The following SPRYD4 variants were observed in gnomAD, a reference collection of about 807,000 sequenced individuals.
The protein encoded by SPRYD4 is SPRY domain containing 4, also known as SPRY domain-containing protein 4.
In SPRYD4, 12 loss-of-function variants were observed where a neutral mutation model predicts 16.6. That is an observed-to-expected ratio of 0.72 (90% CI 0.46 to 1.17). SPRYD4 has a LOEUF of 1.17. Ranked by LOEUF, SPRYD4 falls within the 50% of genes most tolerant of loss-of-function variation. The pLI is 0.00. For synonymous variants in SPRYD4, 98 were observed against 105.4 expected (o/e 0.93, Z 0.43); for missense variants, 260 against 260.2 (o/e 1.00, Z 0.00).
At position 56,474,325 on chromosome 12, in the gene SPRYD4, G is replaced by A. The variant is rs974174155; in HGVS notation, c.*4748G>A. On this transcript the variant is annotated 3_prime_UTR_variant, in exon 2 of 2. Coordinates refer to ENST00000338146, the MANE Select transcript of SPRYD4 (RefSeq NM_207344.4). ...GCTGGTCTCGAACTCCTGACCTCAG[G>A]TGATCCACCTGCCTCGGCCTCCCAA... 8 of 563,626 alleles carry A rather than the reference G, an allele frequency of 1.4e-5. No individual in the cohort carries two copies. In the East Asian group the frequency reaches 1.9e-4, roughly 14 times the overall value. The allele number at this position is 563,626 out of a possible 1,614,324, so 34.9% of individuals were successfully genotyped here.
In SPRYD4 at chr12:56,479,634, T is replaced by C; in HGVS notation, c.*10057T>C. ...TTCTATATTGTTTGAACTCTTATGA[T>C]GAGTATTCATGTATAACTTATGTAA... On this transcript the variant is annotated 3_prime_UTR_variant, in exon 2 of 2. Coordinates refer to ENST00000338146, the MANE Select transcript of SPRYD4 (RefSeq NM_207344.4). 1.1e-6 allele frequency: 1 copy of C among 931,756 alleles called. No homozygotes were observed. The highest frequency in any genetic ancestry group is 1.5e-6 in the Non-Finnish European group (1 of 666,224). 57.7% of individuals were successfully genotyped at this position (931,756 alleles called of 1,614,324 possible).
chr12:56,475,931 G>T lies in SPRYD4; in HGVS notation c.*6354G>T, dbSNP rs763762773. ...GCGAAATGCAGCCAGGGGCTAAGTA[G>T]CAAGGGAACTTACAAAATCAAACTT... is the stretch of plus-strand genomic sequence containing the variant. On this transcript the variant is annotated 3_prime_UTR_variant, in exon 2 of 2. Coordinates refer to ENST00000338146, the MANE Select transcript of SPRYD4 (RefSeq NM_207344.4). 1.9e-6 allele frequency: 3 copies of T among 1,613,648 alleles called. No individual in the cohort carries two copies. The African/African-American group carries it at 4.0e-5, about 22-fold the overall frequency.
rs1488959877 is a variant in SPRYD4 at position 56,476,936 on chromosome 12, T to C, written c.*7359T>C. The C allele has an allele frequency of 6.6e-6, 1 of 152,212 alleles. No individual in the cohort carries two copies. The highest frequency in any genetic ancestry group is 1.5e-5 in the Non-Finnish European group (1 of 68,064). The allele number at this position is 152,212 out of a possible 1,614,324, so 9.4% of individuals were successfully genotyped here. On this transcript the variant is annotated 3_prime_UTR_variant, in exon 2 of 2. Coordinates refer to ENST00000338146, the MANE Select transcript of SPRYD4 (RefSeq NM_207344.4). ...AGGTCCTACTTAGATGGGAATGGGA[T>C]GAGGCAGGTCCCAGATACAGGTTTG...
chr12:56,478,221 G>A lies in SPRYD4; in HGVS notation c.*8644G>A, dbSNP rs1592278352. 3 of 1,614,264 alleles carry A rather than the reference G, an allele frequency of 1.9e-6. No individual in the cohort carries two copies. Among genetic ancestry groups the A allele is most frequent in the Non-Finnish European group, 2.5e-6 (3 of 1,180,050 alleles). On this transcript the variant is annotated 3_prime_UTR_variant, in exon 2 of 2. Transcript: ENST00000338146. ...CAGTGCACAGGGAGACACCCCACAGGTCTGGGTTTGACTTGGCCAGCTGAG... is the reference window on the plus strand; with the variant it reads ...CAGTGCACAGGGAGACACCCCACAGATCTGGGTTTGACTTGGCCAGCTGAG...
Position 56,478,084 on chromosome 12 carries a change from G to A in SPRYD4, c.*8507G>A, listed in dbSNP as rs762282156. The A allele has an allele frequency of 5.0e-6, 8 of 1,614,052 alleles. No homozygotes were observed. The highest frequency in any genetic ancestry group is 3.4e-6 in the Non-Finnish European group (4 of 1,179,942). On this transcript the variant is annotated 3_prime_UTR_variant, in exon 2 of 2. Coordinates refer to ENST00000338146, the MANE Select transcript of SPRYD4 (RefSeq NM_207344.4). Reference sequence around the variant, plus strand: ...GCAGGCAGAAGGGGATCTTTGTGTGGCCCACAGAGTGCCTGGAGGCAGACA... The same window carrying A: ...GCAGGCAGAAGGGGATCTTTGTGTGACCCACAGAGTGCCTGGAGGCAGACA...
rs34325581 is a variant in SPRYD4, at chr12:56,476,165, C to CTT, written c.*6595_*6596dup. The CTT allele has an allele frequency of 5.0e-4, 265 of 530,406 alleles. No homozygotes were observed. The highest frequency in any genetic ancestry group is 7.2e-4 in the Admixed American group (22 of 30,620). The allele number at this position is 530,406 out of a possible 1,614,324, so 32.9% of individuals were successfully genotyped here. On this transcript the variant is annotated 3_prime_UTR_variant, in exon 2 of 2. Transcript: ENST00000338146. ...TCCATTGGCTCCTCTCTTTCTCTTT[C>CTT]TTTTTTTTGAGACAGTCTTGCTTTG...
chr12:56,479,410 AAAAT>A lies in SPRYD4; in HGVS notation c.*9839_*9842del. 1 of 493,520 alleles carries A rather than the reference AAAAT, an allele frequency of 2.0e-6. No individual in the cohort carries two copies. The highest frequency in any genetic ancestry group is 3.5e-6 in the Non-Finnish European group (1 of 287,346). 30.6% of individuals were successfully genotyped at this position (493,520 alleles called of 1,614,324 possible). A position where few individuals can be genotyped will look rare whatever the true frequency, so the allele number is the denominator to read the frequency against. The stretch of plus-strand genomic sequence containing the variant: ...CACTATGTCTTGGGATATGAGAAAA[AAAAT>A]AAATACCAGAATAATATGTATGTAT... On this transcript the variant is annotated 3_prime_UTR_variant, in exon 2 of 2. Transcript: ENST00000338146.
In SPRYD4 at chr12:56,471,804, C is replaced by T. The variant is rs755823467; in HGVS notation, c.*2227C>T. 8.1e-6 allele frequency: 13 copies of T among 1,614,104 alleles called. No homozygotes were observed. The highest frequency in any genetic ancestry group is 1.0e-5 in the Non-Finnish European group (12 of 1,180,034). ...TTGGCAAAAGGATTCACTTTGCAAG[C>T]CTCGATCAGGAATTTAACAACTTCG... On this transcript the variant is annotated 3_prime_UTR_variant, in exon 2 of 2. Coordinates refer to ENST00000338146, the MANE Select transcript of SPRYD4 (RefSeq NM_207344.4).
Position 56,471,848 on chromosome 12 carries a change from G to A in SPRYD4, c.*2271G>A, listed in dbSNP as rs1869301393. ...AACTTCGATGTGTCCTAGGAATATG[G>A]GCAGAAGGAAAATGAGAAGGCGCAG... is the stretch of plus-strand genomic sequence containing the variant. On this transcript the variant is annotated 3_prime_UTR_variant, in exon 2 of 2. Transcript: ENST00000338146. The A allele has an allele frequency of 6.2e-7, 1 of 1,613,402 alleles. No individual in the cohort carries two copies. The highest frequency in any genetic ancestry group is 8.5e-7 in the Non-Finnish European group (1 of 1,179,770).
Position 56,478,977 on chromosome 12 carries a change from C to CT in SPRYD4, c.*9401dup. ...CCAGCCCGGGTGACAGAGCAAAACTCTGTCTCAGGAAAAAAAAAAAAAAAA... is the reference window on the plus strand; with the variant it reads ...CCAGCCCGGGTGACAGAGCAAAACTCTTGTCTCAGGAAAAAAAAAAAAAAAA... On this transcript the variant is annotated 3_prime_UTR_variant, in exon 2 of 2. Transcript: ENST00000338146. The CT allele has an allele frequency of 4.0e-6, 6 of 1,513,468 alleles. No individual in the cohort carries two copies. In the East Asian group the frequency reaches 1.4e-4, roughly 35 times the overall value. The allele number at this position is 1,513,468 out of a possible 1,614,324, so 93.8% of individuals were successfully genotyped here. A position where few individuals can be genotyped will look rare whatever the true frequency, so the allele number is the denominator to read the frequency against.
chr12:56,475,448 T>A lies in SPRYD4; in HGVS notation c.*5871T>A. ...ATGTACTAATTAGAAATGGAACAAA[T>A]TATTTTACAAGATAAACAAATGTTT... On this transcript the variant is annotated 3_prime_UTR_variant, in exon 2 of 2. Transcript: ENST00000338146. 1.4e-6 allele frequency: 1 copy of A among 723,590 alleles called. No homozygotes were observed. 44.8% of individuals were successfully genotyped at this position (723,590 alleles called of 1,614,324 possible).
In SPRYD4 at chr12:56,476,155, CTT is replaced by C. The variant is rs537458158; in HGVS notation, c.*6580_*6581del. 7.3e-6 allele frequency: 4 copies of C among 545,930 alleles called. No individual in the cohort carries two copies. Among genetic ancestry groups the C allele is most frequent in the South Asian group, 4.2e-5 (2 of 47,306 alleles). The allele number at this position is 545,930 out of a possible 1,614,324, so 33.8% of individuals were successfully genotyped here. A position where few individuals can be genotyped will look rare whatever the true frequency, so the allele number is the denominator to read the frequency against. ...ACACCGCACTTCCATTGGCTCCTCT[CTT>C]TCTCTTTCTTTTTTTTGAGACAGTC... On this transcript the variant is annotated 3_prime_UTR_variant, in exon 2 of 2. Transcript: ENST00000338146.
In SPRYD4 at chr12:56,472,763, A is replaced by G; in HGVS notation, c.*3186A>G. On this transcript the variant is annotated 3_prime_UTR_variant, in exon 2 of 2. Coordinates refer to ENST00000338146, the MANE Select transcript of SPRYD4 (RefSeq NM_207344.4). The stretch of plus-strand genomic sequence containing the variant: ...ACCACAGTCTTGTTCTGGAACACAA[A>G]TCATACCCACATGACATTAATTGAA... 1.2e-6 allele frequency: 2 copies of G among 1,613,568 alleles called. No homozygotes were observed. Among genetic ancestry groups the G allele is most frequent in the South Asian group, 2.2e-5 (2 of 91,070 alleles).
Position 56,469,056 on chromosome 12 carries a change from G to T in SPRYD4, c.103G>T (p.Glu35Ter). Residue 35 changes from glutamate (E) to a stop codon, truncating the protein, a stop_gained, in exon 2 of 2, where the codon GAA (glutamate) becomes TAA (stop). Transcript: ENST00000338146. LOFTEE classifies it high-confidence loss of function. ...EAQRGVSFKLEEKTAHSSLAL... is the reference protein window; with the variant it reads ...EAQRGVSFKL ...GCCCGCAGGCGTCAGTTTCAAACTG[G>T]AAGAAAAAACCGCCCACAGCAGCCT... 6.4e-7 allele frequency: 1 copy of T among 1,571,428 alleles called. No homozygotes were observed. Among genetic ancestry groups the T allele is most frequent in the Non-Finnish European group, 8.6e-7 (1 of 1,158,458 alleles).
In SPRYD4 at chr12:56,471,680, G is replaced by T. The variant is rs371114386; in HGVS notation, c.*2103G>T. The T allele has an allele frequency of 6.2e-7, 1 of 1,612,546 alleles. No individual in the cohort carries two copies. The highest frequency in any genetic ancestry group is 8.5e-7 in the Non-Finnish European group (1 of 1,178,702). ...AATGATATGATCAGGCAAAGGAGACGTGGAGAGTGGTGGTTGTATATATTT... is the reference window on the plus strand; with the variant it reads ...AATGATATGATCAGGCAAAGGAGACTTGGAGAGTGGTGGTTGTATATATTT... On this transcript the variant is annotated 3_prime_UTR_variant, in exon 2 of 2. Transcript: ENST00000338146.
Position 56,475,850 on chromosome 12 carries a change from ACCT to A in SPRYD4, c.*6274_*6276del, listed in dbSNP as rs756917253. The A allele has an allele frequency of 1.1e-4, 157 of 1,444,006 alleles. No homozygotes were observed. Among genetic ancestry groups the A allele is most frequent in the Non-Finnish European group, 1.4e-4 (142 of 1,026,584 alleles). The allele number at this position is 1,444,006 out of a possible 1,614,324, so 89.4% of individuals were successfully genotyped here. A position where few individuals can be genotyped will look rare whatever the true frequency, so the allele number is the denominator to read the frequency against. On this transcript the variant is annotated 3_prime_UTR_variant, in exon 2 of 2. Transcript: ENST00000338146. ...TAAGGCTTCTAGTATGGGCTGGTGC[ACCT>A]GGTAGTGGGGTTAGAGAGCCACTGG...
rs549204905 is a variant in SPRYD4, at chr12:56,472,251, G to A, written c.*2674G>A. On this transcript the variant is annotated 3_prime_UTR_variant, in exon 2 of 2. Transcript: ENST00000338146. ...CCTAGATCAGACTGGAATCACAGGT[G>A]TTCTTTGTGAACTGGTGTCAGACTG... 6.6e-7 allele frequency: 1 copy of A among 1,508,002 alleles called. No homozygotes were observed. Among genetic ancestry groups the A allele is most frequent in the South Asian group, 1.1e-5 (1 of 88,510 alleles). The allele number at this position is 1,508,002 out of a possible 1,614,324, so 93.4% of individuals were successfully genotyped here.
chr12:56,471,308 C>CT lies in SPRYD4; in HGVS notation c.*1732dup. The CT allele has an allele frequency of 1.6e-6, 1 of 638,930 alleles. No homozygotes were observed. Among genetic ancestry groups the CT allele is most frequent in the East Asian group, 2.8e-5 (1 of 36,148 alleles). 39.6% of individuals were successfully genotyped at this position (638,930 alleles called of 1,614,324 possible). ...GTCCTCTGAGGCCCTTCTCTGTACT[C>CT]TGTCTGCTGAGGGAATGGGGTATTT... On this transcript the variant is annotated 3_prime_UTR_variant, in exon 2 of 2. Coordinates refer to ENST00000338146, the MANE Select transcript of SPRYD4 (RefSeq NM_207344.4).
Position 56,473,316 on chromosome 12 carries a change from A to G in SPRYD4, c.*3739A>G. The G allele has an allele frequency of 6.2e-7, 1 of 1,614,162 alleles. No homozygotes were observed. On this transcript the variant is annotated 3_prime_UTR_variant, in exon 2 of 2. Coordinates refer to ENST00000338146, the MANE Select transcript of SPRYD4 (RefSeq NM_207344.4). Reference sequence around the variant, plus strand: ...GTTGTGGAAATTGAAGAGAGACACCAACTTCTAGAATTGTAAGCCAAATAT... The same window carrying G: ...GTTGTGGAAATTGAAGAGAGACACCGACTTCTAGAATTGTAAGCCAAATAT...
Sources: gnomAD v4.1 joint callset for allele counts on GRCh38, gnomAD v4.1.1 for gene constraint, MANE v1.5 for transcripts, NCBI Gene and HGNC (gene_info 2026-07-23, HGNC 2026-07-21) for gene names.